The following SMARCA2 variants were observed in gnomAD, a reference collection of about 807,000 sequenced individuals.
SMARCA2 encodes SWI/SNF-related matrix-associated actin-dependent regulator of chromatin subfamily A member 2.
A neutral mutation model predicts 199.8 loss-of-function variants in SMARCA2; 61 were observed. The ratio of observed to expected loss-of-function variants is 0.31; its 90% confidence interval spans 0.25 to 0.38. SMARCA2 has a LOEUF of 0.38. SMARCA2 is among the 10% of genes least tolerant of loss of function. SMARCA2 has a pLI of 1.00. For synonymous variants in SMARCA2, 935 were observed against 732.0 expected (o/e 1.28, Z -4.48); for missense variants, 1,344 against 2,012.2 (o/e 0.67, Z 6.35).
At chr9:2,137,162 T>C (rs932761694) in intron 27 of SMARCA2, among the ~76,000 whole-genome samples, 1 of 152,220 alleles carries the variant, frequency 6.6e-6, no homozygotes, top group African/African-American at 2.4e-5. Context: ...TTCAGGGCTT[T>C]AGGTGCCAAA....
rs537087543 is a variant in SMARCA2, at chr9:2,176,031, C to G, written c.4254-5540C>G. Among the ~76,000 whole-genome samples, 4 of 152,090 alleles carry G rather than the reference C, an allele frequency of 2.6e-5. No individual in the cohort carries two copies. In the South Asian group the frequency reaches 6.2e-4, roughly 24 times the overall value. ...GAGTAGCTGGGATTATAGCCATGCG[C>G]CACCATACTCGGCTAATTTTTTTAT... On this transcript the variant is annotated intron_variant, in intron 29 of 33. Coordinates refer to ENST00000349721, the MANE Select transcript of SMARCA2 (RefSeq NM_003070.5).
At chr9:2,096,052 A>G (rs1321341986) in intron 19 of SMARCA2, among the ~76,000 whole-genome samples, 1 of 152,228 alleles carries the variant, frequency 6.6e-6, no homozygotes, top group Non-Finnish European at 1.5e-5. Flanking sequence ...GTCCTCCTTT[A>G]GATGACCATA....
chr9:2,084,066 A>G lies in SMARCA2; in HGVS notation c.2416-20A>G. ...TATATGTCCATAGGATCATGCATGT[A>G]TTTTTTTCTTTCCATTCAGGGTACT... is the stretch of plus-strand genomic sequence containing the variant. On this transcript the variant is annotated intron_variant, in intron 16 of 33. Coordinates refer to ENST00000349721, the MANE Select transcript of SMARCA2 (RefSeq NM_003070.5). The G allele has an allele frequency of 7.2e-7, 1 of 1,387,980 alleles. No homozygotes were observed. Among genetic ancestry groups the G allele is most frequent in the Non-Finnish European group, 1.0e-6 (1 of 975,898 alleles). 86.0% of individuals were successfully genotyped at this position (1,387,980 alleles called of 1,614,324 possible).
chr9:2,079,106 C>G (rs1821452954), intron 14 of SMARCA2, among the ~76,000 whole-genome samples: 1 of 152,168 alleles, frequency 6.6e-6, no homozygotes, highest in South Asian at 2.1e-4. Flanking sequence ...TAACCCTGGA[C>G]TGTCCCTGAA....
chr9:2,168,133 T>C (rs1000077619), intron 28 of SMARCA2, among the ~76,000 whole-genome samples: 14 of 151,000 alleles, frequency 9.3e-5, no homozygotes, highest in Admixed American at 4.6e-4. Flanking sequence ...TGCCTCAGCC[T>C]CCAGAGTTGC....
intron 15 of SMARCA2, among the ~76,000 whole-genome samples, chr9:2,083,019 C>T (rs1821634682): frequency 1.3e-5 from 2 of 152,098 alleles, no homozygotes; most frequent in South Asian, 4.1e-4. Context: ...ACCTATATGG[C>T]TGTTTATGAA....
chr9:2,038,187 C>T (rs1038832519), intron 3 of SMARCA2, among the ~76,000 whole-genome samples: 1 of 152,150 alleles, frequency 6.6e-6, no homozygotes, highest in Non-Finnish European at 1.5e-5. Flanking sequence ...ATCAGACAGA[C>T]CTTTGTTTAA....
At chr9:2,139,793 G>A (rs1457813636) in intron 27 of SMARCA2, among the ~76,000 whole-genome samples, 1 of 151,990 alleles carries the variant, frequency 6.6e-6, no homozygotes, top group South Asian at 2.1e-4. Context: ...GTAACATCAG[G>A]GAAAAATACC....
chr9:2,083,356 T>C lies in SMARCA2; in HGVS notation c.2358T>C (p.Ser786=). The C allele has an allele frequency of 1.3e-6, 2 of 1,592,284 alleles. No individual in the cohort carries two copies. Among genetic ancestry groups the C allele is most frequent in the Non-Finnish European group, 1.7e-6 (2 of 1,164,602 alleles). ...TTTTTTTGTTCCATAGGACTCTATC[T>C]AACTGGACATATGAATTTGACAAAT... is the stretch of plus-strand genomic sequence containing the variant. The part of the protein sequence containing the change: ...YLIIVPLSTL[S]NWTYEFDKWA... Residue 786 remains serine, a synonymous_variant, in exon 16 of 34, where the codon TCT becomes TCC. Transcript: ENST00000349721.
chr9:2,024,813 GC>G (rs1245465827), intron 1 of SMARCA2, among the ~76,000 whole-genome samples: 4 of 152,156 alleles, frequency 2.6e-5, no homozygotes, highest in African/African-American at 9.7e-5. Context: ...GTTACTTTGG[GC>G]AAGCCATGTT....
intron 27 of SMARCA2, among the ~76,000 whole-genome samples, chr9:2,146,919 C>G (rs796332900): frequency 1.2e-4 from 18 of 152,260 alleles, no homozygotes; most frequent in African/African-American, 4.3e-4. Context: ...GTCTTTATGA[C>G]CTGTATCTTG....
chr9:2,073,648 T>A lies in SMARCA2; in HGVS notation c.1935+25T>A, dbSNP rs971573297. The A allele has an allele frequency of 1.9e-6, 3 of 1,560,310 alleles. No homozygotes were observed. The African/African-American group carries it at 4.1e-5, about 21-fold the overall frequency. On this transcript the variant is annotated intron_variant, in intron 12 of 33. Transcript: ENST00000349721. Reference sequence around the variant, plus strand: ...GGTATGTATGTATCTCTGTTTGGGGTTTATTGGTTTGAAAGTTATCAGAGG... The same window carrying A: ...GGTATGTATGTATCTCTGTTTGGGGATTATTGGTTTGAAAGTTATCAGAGG...
Position 2,123,952 on chromosome 9 carries a change from T to G in SMARCA2, c.3981+15T>G. 1 of 1,546,642 alleles carries G rather than the reference T, an allele frequency of 6.5e-7. No homozygotes were observed. ...AGTGGCTAAGGGTAAGCCTAGCTTT[T>G]CTAACCCGCTCTCACTAGGTGGAGG... is the stretch of plus-strand genomic sequence containing the variant. On this transcript the variant is annotated intron_variant, in intron 27 of 33. Coordinates refer to ENST00000349721, the MANE Select transcript of SMARCA2 (RefSeq NM_003070.5). This position sits in a 1 kb window ranked among gnomAD's most constrained non-coding sequence, Gnocchi z 4.1.
intron 29 of SMARCA2, among the ~76,000 whole-genome samples, chr9:2,174,369 G>A (rs1363592652): frequency 6.6e-6 from 1 of 152,112 alleles, no homozygotes; most frequent in Non-Finnish European, 1.5e-5. Flanking sequence ...ATATGTCCTT[G>A]TATATTAATG....
chr9:2,058,525 C>T (rs923238557), intron 8 of SMARCA2, 61 bp downstream of exon 8: 28 of 1,348,466 alleles, frequency 2.1e-5, no homozygotes, highest in Non-Finnish European at 2.9e-5. Context: ...TGCAATGAGA[C>T]CATTAAATAT....
chr9:2,173,567 T>A (rs1194383573), intron 29 of SMARCA2, among the ~76,000 whole-genome samples: 2 of 152,148 alleles, frequency 1.3e-5, no homozygotes, highest in Admixed American at 6.5e-5. Flanking sequence ...TTTCTGATAG[T>A]TTGGACCCAG....
At chr9:2,192,589 C>G in intron 33 of SMARCA2, 115 bp from the exon 34 acceptor site, 2 of 779,544 alleles carry the variant, frequency 2.6e-6, no homozygotes, top group Non-Finnish European at 4.7e-6. Context: ...AGAGATTTGG[C>G]GAGTTGTTTC....
chr9:2,083,847 C>G (rs1821676503), intron 16 of SMARCA2, among the ~76,000 whole-genome samples: 1 of 152,168 alleles, frequency 6.6e-6, no homozygotes, highest in Admixed American at 6.5e-5. Context: ...ACTGTCATTT[C>G]CATTTCCCTT....
At chr9:2,096,847 C>T (rs1178002843) in intron 20 of SMARCA2, 83 bp downstream of exon 20, 7 of 848,404 alleles carry the variant, frequency 8.3e-6, no homozygotes, top group South Asian at 5.4e-5. Context: ...CAGGAAGCAT[C>T]CCTGCTAATG....
Sources: gnomAD v4.1 joint callset for allele counts (sites outside exome capture counted in the v4.1 genomes callset) on GRCh38, gnomAD v4.1.1 for gene constraint, Gnocchi (gnomAD v3.1) non-coding constraint, MANE v1.5 for transcripts, NCBI Gene and HGNC (gene_info 2026-07-23, HGNC 2026-07-21) for gene names.